The following PLIN4 variants were observed in gnomAD, a reference collection of about 807,000 sequenced individuals.
PLIN4 encodes the protein perilipin 4, also known as perilipin-4.
In PLIN4, 57 loss-of-function variants were observed where a neutral mutation model predicts 52.4. The ratio of observed to expected loss-of-function variants is 1.09; its 90% CI spans 0.88 to 1.36. PLIN4 has a LOEUF of 1.36. PLIN4 is among the 40% of genes most tolerant of loss of function. PLIN4 has a pLI of 0.00. For synonymous variants in PLIN4, 826 were observed against 785.4 expected (o/e 1.05, Z -0.86); for missense variants, 1,757 against 1,770.3 (o/e 0.99, Z 0.13).
intron 4 of PLIN4, 83 bp downstream of exon 4, chr19:4,516,534 A>C: frequency 6.8e-7 from 1 of 1,474,598 alleles, no homozygotes; most frequent in South Asian, 1.2e-5. Context: ...GCAGCCCCCC[A>C]GATAGCAGGA....
chr19:4,510,517 C>T lies in PLIN4; in HGVS notation c.3443G>A (p.Arg1148His), dbSNP rs199694958. Reference protein sequence around the residue: ...ATTHGPEEAPRLAMLQNELEG... With the variant: ...ATTHGPEEAPHLAMLQNELEG... ...CAACTCATTCTGCAGCATTGCCAAG[C>T]GTGGGGCTTCTTCGGGGCCGTGTGT... Residue 1148 changes from arginine to histidine, a missense_variant, in exon 5 of 8, where the codon CGC becomes CAC. Around this residue, in one of 7 missense-constraint regions of PLIN4, gnomAD observed 712 missense variants for 637.1 expected, o/e 1.12. Transcript: ENST00000301286. 147 of 1,483,688 alleles carry T rather than the reference C, an allele frequency of 9.9e-5. 1 individual carries two copies. Among genetic ancestry groups the T allele is most frequent in the South Asian group, 7.5e-4 (51 of 67,798 alleles). The allele number at this position is 1,483,688 out of a possible 1,614,324, so 91.9% of individuals were successfully genotyped here.
At chr19:4,509,718 T>C (rs1205899992) in intron 5 of PLIN4, among the ~76,000 whole-genome samples, 1 of 151,874 alleles carries the variant, frequency 6.6e-6, no homozygotes. Flanking sequence ...GGCTGGAGGA[T>C]CACTTGAACC....
Position 4,513,097 on chromosome 19 carries a change from G to T in PLIN4, c.863C>A (p.Thr288Asn), listed in dbSNP as rs757261723. The T allele has an allele frequency of 1.5e-6, 1 of 671,546 alleles. No homozygotes were observed. Among genetic ancestry groups the T allele is most frequent in the South Asian group, 1.7e-5 (1 of 59,840 alleles). The allele number at this position is 671,546 out of a possible 1,614,324, so 41.6% of individuals were successfully genotyped here. Residue 288 changes from threonine to asparagine, a missense_variant, in exon 5 of 8, where the codon ACC (threonine) becomes AAC (asparagine). Coordinates refer to ENST00000301286, the MANE Select transcript of PLIN4 (RefSeq NM_001367868.2). ...GACAGTCTTACTGGTGTCCACGCCGGTCTGGATGGTTCCTTTGGCCACATT... is the reference window on the plus strand; with the variant it reads ...GACAGTCTTACTGGTGTCCACGCCGTTCTGGATGGTTCCTTTGGCCACATT... The part of the protein sequence containing the change: ...AMNVAKGTIQ[T>N]GVDTSKTVLT...
In PLIN4 at chr19:4,510,418, G is replaced by A. The variant is rs1976255456; in HGVS notation, c.3514+28C>T. Reference sequence around the variant, plus strand: ...CTGCTAGCAGCTGTGCCTGCCTCAGGGACCCATGAACCCAGGCGTCCCCTC... The same window carrying A: ...CTGCTAGCAGCTGTGCCTGCCTCAGAGACCCATGAACCCAGGCGTCCCCTC... On this transcript the variant is annotated intron_variant, in intron 5 of 7. Coordinates refer to ENST00000301286, the MANE Select transcript of PLIN4 (RefSeq NM_001367868.2). The A allele has an allele frequency of 4.3e-6, 6 of 1,381,622 alleles. No homozygotes were observed. The South Asian group carries it at 9.2e-5, about 21-fold the overall frequency. The allele number at this position is 1,381,622 out of a possible 1,614,324, so 85.6% of individuals were successfully genotyped here.
At position 4,510,744 on chromosome 19, in the gene PLIN4, G is replaced by A. The variant is rs961445441; in HGVS notation, c.3216C>T (p.Thr1072=). The A allele has an allele frequency of 3.2e-6, 5 of 1,550,810 alleles. No individual in the cohort carries two copies. Among genetic ancestry groups the A allele is most frequent in the Non-Finnish European group, 3.5e-6 (4 of 1,148,830 alleles). ...CAGTCTGCTCCCCACCATTGTCTGTGGTCCTGGAACTGGTGAGTCCACCCC... is the reference window on the plus strand; with the variant it reads ...CAGTCTGCTCCCCACCATTGTCTGTAGTCCTGGAACTGGTGAGTCCACCCC... ...TSWGGLTSSR[T]TDNGGEQTAL... is the part of the protein sequence containing the mutation. Residue 1072 remains threonine (T), a synonymous_variant, in exon 5 of 8, where the codon ACC becomes ACT. Transcript: ENST00000301286.
chr19:4,510,978 C>T lies in PLIN4; in HGVS notation c.2982G>A (p.Lys994=), dbSNP rs867743652. 3 of 1,613,096 alleles carry T rather than the reference C, an allele frequency of 1.9e-6. No homozygotes were observed. Among genetic ancestry groups the T allele is most frequent in the African/African-American group, 2.7e-5 (2 of 74,848 alleles). Residue 994 remains lysine, a synonymous_variant, in exon 5 of 8, where the codon AAG becomes AAA. Coordinates refer to ENST00000301286, the MANE Select transcript of PLIN4 (RefSeq NM_001367868.2). The part of the protein sequence containing the change: ...DASKAVLMGT[K]DTVFSGVTGA... ...CGGTAACCCCACTGAAGACAGTGTC[C>T]TTGGTACCCATAAGCACAGCCTTGG... is the stretch of plus-strand genomic sequence containing the variant.
rs1487119072 is a variant in PLIN4 at position 4,502,432 on chromosome 19, C to T, written c.*2027G>A. 2 of 334,236 alleles carry T rather than the reference C, an allele frequency of 6.0e-6. No individual in the cohort carries two copies. Among genetic ancestry groups the T allele is most frequent in the African/African-American group, 4.4e-5 (2 of 45,032 alleles). 20.7% of individuals were successfully genotyped at this position (334,236 alleles called of 1,614,324 possible). A position where few individuals can be genotyped will look rare whatever the true frequency, so the allele number is the denominator to read the frequency against. The stretch of plus-strand genomic sequence containing the variant: ...TTCCCAGGAGACAAGAGGGACAAAC[C>T]AGGGCATCTAAGCTGTGCTGCCTGC... On this transcript the variant is annotated 3_prime_UTR_variant, in exon 8 of 8. Transcript: ENST00000301286.
intron 6 of PLIN4, among the ~76,000 whole-genome samples, chr19:4,506,009 TCTC>T (rs1163801455): frequency 1.3e-5 from 2 of 152,130 alleles, no homozygotes; most frequent in African/African-American, 2.4e-5. Flanking sequence ...CCCAGCTACT[TCTC>T]ACCACCACAG....
rs1397278886 is a variant in PLIN4, at chr19:4,504,759, C to G, written c.3816G>C (p.Arg1272Ser). ...GCAGCTGCCGGAGAAGGCCGCAGAC[C>G]CTGGACAGAACCCCGGCATCCCGCT... ...QEERDAGVLS[R>S]VCGLLRQLHT... is the part of the protein sequence containing the mutation. The change falls in exon 8 of 8, where the codon AGG becomes AGC. Residue 1272 changes from arginine to serine, a missense_variant. This residue lies in a region of PLIN4 where 712 missense variants were observed against 637.1 expected (regional missense o/e 1.12). Transcript: ENST00000301286. 6.2e-7 allele frequency: 1 copy of G among 1,600,720 alleles called. No individual in the cohort carries two copies. Among genetic ancestry groups the G allele is most frequent in the Non-Finnish European group, 8.5e-7 (1 of 1,173,346 alleles).
chr19:4,509,829 G>T (rs899616004), intron 5 of PLIN4, among the ~76,000 whole-genome samples: 1 of 151,930 alleles, frequency 6.6e-6, no homozygotes, highest in African/African-American at 2.4e-5. Context: ...GCTGGAGCAG[G>T]AGGATCACTT....
chr19:4,504,922 TCTGGAGCCTG>T lies in PLIN4; in HGVS notation c.3718_3727del (p.Gln1240LysfsTer80), dbSNP rs759404372. 3.7e-6 allele frequency: 6 copies of T among 1,607,014 alleles called. No homozygotes were observed. The highest frequency in any genetic ancestry group is 1.3e-5 in the African/African-American group (1 of 74,808). ...GCCCTGGTCCAGACGTGGCTGCCCTTCTGGAGCCTGCTGGGCCTTTTCAATCTGGAGAGAG... is the reference window on the plus strand; with the variant it reads ...GCCCTGGTCCAGACGTGGCTGCCCTTCTGGGCCTTTTCAATCTGGAGAGAG... On this transcript the variant is annotated frameshift_variant, in exon 7 of 8. Coordinates refer to ENST00000301286, the MANE Select transcript of PLIN4 (RefSeq NM_001367868.2). LOFTEE classifies it high-confidence loss of function.
rs1376597086 is a variant in PLIN4, at chr19:4,508,748, C to T, written c.3702+20G>A. On this transcript the variant is annotated intron_variant, in intron 6 of 7. Coordinates refer to ENST00000301286, the MANE Select transcript of PLIN4 (RefSeq NM_001367868.2). ...AAGAAGTGCCCTGGGGACGGGGCAGCAGCAGGGGGAAGCTCTTACCAGCCT... is the reference window on the plus strand; with the variant it reads ...AAGAAGTGCCCTGGGGACGGGGCAGTAGCAGGGGGAAGCTCTTACCAGCCT... 3 of 1,558,808 alleles carry T rather than the reference C, an allele frequency of 1.9e-6. No homozygotes were observed. The highest frequency in any genetic ancestry group is 2.6e-6 in the Non-Finnish European group (3 of 1,152,070).
chr19:4,513,316 A>G lies in PLIN4; in HGVS notation c.644T>C (p.Leu215Ser). ...GCCAGTCTGGACAGTCCCTTTGGCC[A>G]AGTTCACTGCCCCCATGACCCCAGT... ...VTTGVMGAVN[L>S]AKGTVQTGVE... Residue 215 changes from leucine to serine, a missense_variant, in exon 5 of 8, where the codon TTG becomes TCG. By Grantham distance (145) the Leu-to-Ser change is moderately radical. Transcript: ENST00000301286. 6.2e-7 allele frequency: 1 copy of G among 1,613,566 alleles called. No individual in the cohort carries two copies. The highest frequency in any genetic ancestry group is 8.5e-7 in the Non-Finnish European group (1 of 1,179,836).
chr19:4,515,053 G>A (rs987770594), intron 4 of PLIN4, among the ~76,000 whole-genome samples: 17 of 151,292 alleles, frequency 1.1e-4, no homozygotes, highest in Non-Finnish European at 2.1e-4. Flanking sequence ...GCAGGCACCT[G>A]TAATCCCAGC....
chr19:4,507,995 T>C (rs777394805), intron 6 of PLIN4, among the ~76,000 whole-genome samples: 4 of 151,996 alleles, frequency 2.6e-5, no homozygotes, highest in Admixed American at 2.6e-4. Context: ...TTGCGTTGGG[T>C]CCTTTCCTGC....
At chr19:4,510,380 AAC>A in intron 5 of PLIN4, 64 bp downstream of exon 5, 1 of 1,316,490 alleles carries the variant, frequency 7.6e-7, no homozygotes, top group South Asian at 3.1e-5. Context: ...AAAAAAACAA[AAC>A]AGTCAAGGAC....
chr19:4,510,617 C>A lies in PLIN4; in HGVS notation c.3343G>T (p.Gly1115Cys), dbSNP rs755599962. 4.6e-6 allele frequency: 7 copies of A among 1,509,156 alleles called. No homozygotes were observed. The highest frequency in any genetic ancestry group is 6.2e-6 in the Non-Finnish European group (7 of 1,129,670). The allele number at this position is 1,509,156 out of a possible 1,614,324, so 93.5% of individuals were successfully genotyped here. A position where few individuals can be genotyped will look rare whatever the true frequency, so the allele number is the denominator to read the frequency against. Residue 1115 changes from glycine to cysteine, a missense_variant, in exon 5 of 8, where the codon GGC becomes TGC. Coordinates refer to ENST00000301286, the MANE Select transcript of PLIN4 (RefSeq NM_001367868.2). ...PAWEAAATTK[G>C]LATDVATFTQ... is the part of the protein sequence containing the mutation. ...AACGTCGCCACGTCAGTCGCAAGGC[C>A]CTTGGTAGTGGCTGCGGCTTCCCAG...
At position 4,511,053 on chromosome 19, in the gene PLIN4, C is replaced by A. The variant is rs749086578; in HGVS notation, c.2907G>T (p.Thr969=). 1.2e-6 allele frequency: 2 copies of A among 1,613,266 alleles called. No individual in the cohort carries two copies. Among genetic ancestry groups the A allele is most frequent in the Non-Finnish European group, 1.7e-6 (2 of 1,179,872 alleles). ...GAKDAVTTGV[T]GAVNVAKGTV... is the part of the protein sequence containing the mutation. ...TTCCTTTGGCCACATTCACTGCCCC[C>A]GTGACTCCAGTAGTCACTGCATCCT... is the stretch of plus-strand genomic sequence containing the variant. The change falls in exon 5 of 8, where the codon ACG becomes ACT. Residue 969 remains threonine (T), a synonymous_variant. Transcript: ENST00000301286.
In PLIN4 at chr19:4,510,568, C is replaced by T. The variant is rs1475063685; in HGVS notation, c.3392G>A (p.Arg1131Lys). The change falls in exon 5 of 8, where the codon AGG becomes AAG. Residue 1131 changes from arginine to lysine, a missense_variant. Coordinates refer to ENST00000301286, the MANE Select transcript of PLIN4 (RefSeq NM_001367868.2). ...GGTGGCCAAAAGCCCCGTGTCCTCCCTGCCTGGGGCGGCCCCTTGGGTGAA... is the reference window on the plus strand; with the variant it reads ...GGTGGCCAAAAGCCCCGTGTCCTCCTTGCCTGGGGCGGCCCCTTGGGTGAA... ...ATFTQGAAPG[R>K]EDTGLLATTH... The T allele has an allele frequency of 6.7e-7, 1 of 1,501,610 alleles. No individual in the cohort carries two copies. Among genetic ancestry groups the T allele is most frequent in the Admixed American group, 2.4e-5 (1 of 42,228 alleles). The allele number at this position is 1,501,610 out of a possible 1,614,324, so 93.0% of individuals were successfully genotyped here. A position where few individuals can be genotyped will look rare whatever the true frequency, so the allele number is the denominator to read the frequency against.
Sources: gnomAD v4.1 joint callset for allele counts (sites outside exome capture counted in the v4.1 genomes callset) on GRCh38, gnomAD v4.1.1 for gene constraint, gnomAD v4.1.1 regional missense constraint, MANE v1.5 for transcripts, NCBI Gene and HGNC (gene_info 2026-07-23, HGNC 2026-07-21) for gene names.